Variants in PXDN observed in about 807,000 individuals in gnomAD.
PXDN encodes peroxidasin, also known as peroxidasin homolog.
A neutral mutation model predicts 140.3 loss-of-function variants in PXDN; 77 were observed. That is an observed-to-expected ratio of 0.55 (90% CI 0.46 to 0.66). The LOEUF (loss-of-function observed/expected upper bound fraction) is 0.66. PXDN is among the 30% of genes least tolerant of loss of function. The pLI, the probability that PXDN is intolerant of heterozygous loss-of-function variation, is 0.00. For missense variants in PXDN, 1,838 were observed against 2,039.5 expected (o/e 0.90, Z 1.90); for synonymous variants, 911 against 857.4 (o/e 1.06, Z -1.09).
intron 1 of PXDN, among the ~76,000 whole-genome samples, chr2:1,720,917 A>T (rs1459533150): frequency 6.9e-4 from 105 of 152,188 alleles, no homozygotes; most frequent in Non-Finnish European, 1.3e-4. Flanking sequence ...CTGATGCTAC[A>T]GCCCCGGGGA....
intron 8 of PXDN, among the ~76,000 whole-genome samples, chr2:1,676,105 C>T (rs1000555904): frequency 5.9e-5 from 9 of 152,130 alleles, no homozygotes; most frequent in Non-Finnish European, 1.3e-4. Flanking sequence ...GCAATCTGAC[C>T]TCATTCCCAC....
rs188128877 is a variant in PXDN at position 1,633,987 on chromosome 2, T to C, written c.*217A>G. 1.3e-5 allele frequency: 7 copies of C among 528,666 alleles called. No homozygotes were observed. In the East Asian group the frequency reaches 2.2e-4, roughly 17 times the overall value. The allele number at this position is 528,666 out of a possible 1,614,324, so 32.7% of individuals were successfully genotyped here. A position where few individuals can be genotyped will look rare whatever the true frequency, so the allele number is the denominator to read the frequency against. ...AAGTCTAACGTGAAGCTAGGACTCCTGCCTGCTTCCCTTCAGGCACCTGCT... is the reference window on the plus strand; with the variant it reads ...AAGTCTAACGTGAAGCTAGGACTCCCGCCTGCTTCCCTTCAGGCACCTGCT... On this transcript the variant is annotated 3_prime_UTR_variant, in exon 23 of 23. Coordinates refer to ENST00000252804, the MANE Select transcript of PXDN (RefSeq NM_012293.3).
At chr2:1,655,951 C>G (rs1473705860) in intron 14 of PXDN, among the ~76,000 whole-genome samples, 1 of 151,838 alleles carries the variant, frequency 6.6e-6, no homozygotes, top group Non-Finnish European at 1.5e-5. Context: ...ATACAACACA[C>G]CCAGCACCTT....
In PXDN at chr2:1,638,935, A is replaced by C. The variant is rs1682643244; in HGVS notation, c.4117T>G (p.Phe1373Val). ...GEHLSNSTSA[F>V]STRSDASGTN... Reference sequence around the variant, plus strand: ...CCAGATGCATCTGAGCGTGTGCTGAAGGCTGAGGTGCTGTTGCTGAGATGT... The same window carrying C: ...CCAGATGCATCTGAGCGTGTGCTGACGGCTGAGGTGCTGTTGCTGAGATGT... The change falls in exon 21 of 23, where the codon TTC (phenylalanine) becomes GTC (valine). Residue 1373 changes from phenylalanine (F) to valine (V), a missense_variant. Physicochemically the swap from Phe to Val is conservative, Grantham distance 50. Coordinates refer to ENST00000252804, the MANE Select transcript of PXDN (RefSeq NM_012293.3). 6.2e-7 allele frequency: 1 copy of C among 1,613,986 alleles called. No homozygotes were observed. Among genetic ancestry groups the C allele is most frequent in the African/African-American group, 1.3e-5 (1 of 75,038 alleles).
At position 1,691,915 on chromosome 2, in the gene PXDN, A is replaced by T; in HGVS notation, c.344+13T>A. On this transcript the variant is annotated intron_variant, in intron 3 of 22. Coordinates refer to ENST00000252804, the MANE Select transcript of PXDN (RefSeq NM_012293.3). ...CATAAGCTTTTAGGTTAAAGAACTG[A>T]TCATTAACTTACAGATATTTTAAAT... 1 of 1,444,520 alleles carries T rather than the reference A, an allele frequency of 6.9e-7. No homozygotes were observed. The highest frequency in any genetic ancestry group is 9.4e-7 in the Non-Finnish European group (1 of 1,069,088). The allele number at this position is 1,444,520 out of a possible 1,614,324, so 89.5% of individuals were successfully genotyped here. A position where few individuals can be genotyped will look rare whatever the true frequency, so the allele number is the denominator to read the frequency against.
Position 1,633,156 on chromosome 2 carries a change from T to C in PXDN, c.*1048A>G, listed in dbSNP as rs1572107808. On this transcript the variant is annotated 3_prime_UTR_variant, in exon 23 of 23. Transcript: ENST00000252804. ...ACGCATTTTAAAAATACAAATGAGG[T>C]ATAGGGATTCTTTTTTTTTTTTTTT... 2.1e-5 allele frequency: 3 copies of C among 141,106 alleles called. No homozygotes were observed. Among genetic ancestry groups the C allele is most frequent in the Non-Finnish European group, 4.5e-5 (3 of 66,538 alleles). 8.7% of individuals were successfully genotyped at this position (141,106 alleles called of 1,614,324 possible). A position where few individuals can be genotyped will look rare whatever the true frequency, so the allele number is the denominator to read the frequency against.
chr2:1,677,880 A>T (rs554918212), intron 7 of PXDN, among the ~76,000 whole-genome samples: 183 of 152,346 alleles, frequency 1.2e-3, no homozygotes, highest in African/African-American at 4.0e-3. Context: ...ACAGGTGTGT[A>T]CAAGTGAGTG....
In PXDN at chr2:1,715,288, C is replaced by T. The variant is rs529649611; in HGVS notation, c.201-22154G>A. Among the ~76,000 whole-genome samples the T allele has an allele frequency of 3.9e-5, 6 of 152,172 alleles. No homozygotes were observed. In the East Asian group the frequency reaches 9.7e-4, roughly 25 times the overall value. On this transcript the variant is annotated intron_variant, in intron 1 of 22. Coordinates refer to ENST00000252804, the MANE Select transcript of PXDN (RefSeq NM_012293.3). The stretch of plus-strand genomic sequence containing the variant: ...CGGTCATCTGCTAAAGAACCAGGCA[C>T]GTGAAACAACTGCAGGAACTCCACA...
chr2:1,717,517 T>G (rs182615783), intron 1 of PXDN, among the ~76,000 whole-genome samples: 71 of 152,152 alleles, frequency 4.7e-4, no homozygotes, highest in African/African-American at 1.6e-3. Context: ...AAAGAAAAAC[T>G]TGCAACAATA....
intron 1 of PXDN, among the ~76,000 whole-genome samples, chr2:1,726,872 CTT>C (rs1404941139): frequency 9.9e-5 from 15 of 152,078 alleles, no homozygotes; most frequent in African/African-American, 3.6e-4. Context: ...TTAGCAAAGA[CTT>C]AACATAGATC....
At chr2:1,693,506 A>G (rs1048891732) in intron 1 of PXDN, among the ~76,000 whole-genome samples, 1 of 152,226 alleles carries the variant, frequency 6.6e-6, no homozygotes, top group Non-Finnish European at 1.5e-5. Context: ...TGTGCAACTG[A>G]GTAAACACCT....
At chr2:1,643,676 C>T in intron 18 of PXDN, 100 bp from the exon 19 acceptor site, 1 of 1,242,408 alleles carries the variant, frequency 8.0e-7, no homozygotes, top group Admixed American at 1.8e-5. Flanking sequence ...CACAGCAATA[C>T]AGAAACCACT....
At chr2:1,741,859 G>T (rs1320926051) in intron 1 of PXDN, among the ~76,000 whole-genome samples, 1 of 152,056 alleles carries the variant, frequency 6.6e-6, no homozygotes, top group Non-Finnish European at 1.5e-5. Context: ...GTTGCTTCAC[G>T]TGTAGCATGT....
At chr2:1,640,821 ACAGGGCGACAGGGAAGCAG>A (rs1682709238) in intron 19 of PXDN, among the ~76,000 whole-genome samples, 1 of 152,212 alleles carries the variant, frequency 6.6e-6, no homozygotes, top group Admixed American at 6.5e-5. Context: ...TGGTAGAATT[ACAGGGCGACAGGGAAGCAG>A]CAGGGCCAGG....
intron 17 of PXDN, among the ~76,000 whole-genome samples, chr2:1,645,589 G>C (rs953749614): frequency 6.6e-6 from 1 of 152,122 alleles, no homozygotes; most frequent in African/African-American, 2.4e-5. Context: ...ACTGGCCATT[G>C]GTCTTACCGT....
chr2:1,716,611 G>T (rs570952368), intron 1 of PXDN, among the ~76,000 whole-genome samples: 197 of 152,238 alleles, frequency 1.3e-3, no homozygotes, highest in African/African-American at 4.4e-3. Flanking sequence ...TCTACCTGGG[G>T]CAAGGGGTTG....
chr2:1,663,772 G>A lies in PXDN; in HGVS notation c.1409-9C>T, dbSNP rs1683365413. On this transcript the variant is annotated splice_polypyrimidine_tract_variant and intron_variant, in intron 11 of 22. Transcript: ENST00000252804. ...CACGGAGAGCTGGCTCCCTGCAAGG[G>A]CATGGGCCCGTTACACTGGACACTC... 3 of 1,610,722 alleles carry A rather than the reference G, an allele frequency of 1.9e-6. No homozygotes were observed. The African/African-American group carries it at 4.0e-5, about 22-fold the overall frequency.
chr2:1,699,831 A>G (rs1283562710), intron 1 of PXDN, among the ~76,000 whole-genome samples: 1 of 152,212 alleles, frequency 6.6e-6, no homozygotes, highest in Non-Finnish European at 1.5e-5. Flanking sequence ...TATGGAATGA[A>G]AATTTCAGGT....
chr2:1,659,205 C>A (rs75164968), intron 14 of PXDN, among the ~76,000 whole-genome samples: 1 of 152,230 alleles, frequency 6.6e-6, no homozygotes, highest in African/African-American at 2.4e-5. Context: ...ATTTATTTCA[C>A]CGCTAACAGA....
Sources: allele counts gnomAD v4.1 joint callset (sites outside exome capture counted in the v4.1 genomes callset), GRCh38; gene constraint gnomAD v4.1.1; transcripts MANE v1.5; gene names NCBI Gene and HGNC (gene_info 2026-07-23, HGNC 2026-07-21).